The following VEPH1 variants were observed in gnomAD, a reference collection of about 807,000 sequenced individuals.
VEPH1 encodes the protein ventricular zone expressed PH domain containing 1.
Under a neutral mutation model 85.2 loss-of-function variants are expected in VEPH1, and 80 were observed. The observed-to-expected ratio is 0.94, with a 90% CI of 0.78 to 1.13. VEPH1 has a LOEUF of 1.13. Among genes scored for constraint, VEPH1 ranks in the 50% most tolerant of loss-of-function variants. The pLI is 0.00. For synonymous variants in VEPH1, 297 were observed against 348.0 expected (o/e 0.85, Z 1.63); for missense variants, 955 against 980.5 (o/e 0.97, Z 0.35).
intron 3 of VEPH1, among the ~76,000 whole-genome samples, chr3:157,464,580 G>A (rs866727958): frequency 2.6e-5 from 4 of 152,278 alleles, no homozygotes; most frequent in East Asian, 1.9e-4. Flanking sequence ...AGACTTTCTC[G>A]TGGGGACAAT....
Position 157,380,388 on chromosome 3 carries a change from C to T in VEPH1, c.1127+768G>A, listed in dbSNP as rs571344999. On this transcript the variant is annotated intron_variant, in intron 7 of 13. Transcript: ENST00000362010. ...ACTGCTTAGAGGGTAAAACTGAACT[C>T]CTTAGTCCACTCTGTTGAGCCTATC... 1.6e-4 allele frequency among the ~76,000 whole-genome samples: 25 copies of T among 152,346 alleles called. No individual in the cohort carries two copies. The South Asian group carries it at 5.0e-3, about 30-fold the overall frequency.
chr3:157,398,515 T>G (rs1037323243), intron 6 of VEPH1, among the ~76,000 whole-genome samples: 2 of 152,000 alleles, frequency 1.3e-5, no homozygotes, highest in Non-Finnish European at 2.9e-5. Context: ...GCAACTGTAG[T>G]CTCAGCTACT....
chr3:157,497,054 T>C lies in VEPH1; in HGVS notation c.-157-1548A>G, dbSNP rs543502110. On this transcript the variant is annotated intron_variant, in intron 1 of 13. Transcript: ENST00000362010. ...GGTAGTTAAATAACTGCTAAAGCCA[T>C]GCAGCTACAAAACTGGAGAGCTGGA... Among the ~76,000 whole-genome samples the C allele has an allele frequency of 4.6e-5, 7 of 152,260 alleles. No homozygotes were observed. In the South Asian group the frequency reaches 1.2e-3, roughly 27 times the overall value.
intron 9 of VEPH1, among the ~76,000 whole-genome samples, chr3:157,346,181 T>C (rs559216017): frequency 2.6e-5 from 4 of 151,880 alleles, no homozygotes; most frequent in Non-Finnish European, 5.9e-5. Context: ...TAAAAAAAAG[T>C]CAGTAAGGTC....
intron 9 of VEPH1, among the ~76,000 whole-genome samples, chr3:157,360,537 TTATG>T (rs1399396118): frequency 2.0e-5 from 3 of 152,154 alleles, no homozygotes; most frequent in African/African-American, 7.2e-5. Flanking sequence ...GCTTTTTGAC[TTATG>T]ATGGGGTTAT....
chr3:157,372,290 G>A (rs1297263788), intron 7 of VEPH1, among the ~76,000 whole-genome samples: 3 of 152,296 alleles, frequency 2.0e-5, no homozygotes, highest in Middle Eastern at 3.4e-3. Flanking sequence ...ACCCAGAAAT[G>A]GAGGATATAC....
At chr3:157,396,089 C>G (rs1730354164) in intron 6 of VEPH1, among the ~76,000 whole-genome samples, 1 of 152,154 alleles carries the variant, frequency 6.6e-6, no homozygotes, top group African/African-American at 2.4e-5. Flanking sequence ...CTCTCTTGCC[C>G]CATCCCCGCT....
At chr3:157,384,040 A>G (rs1392938355) in intron 6 of VEPH1, among the ~76,000 whole-genome samples, 1 of 152,236 alleles carries the variant, frequency 6.6e-6, no homozygotes, top group Non-Finnish European at 1.5e-5. Flanking sequence ...ACCCCCTTCT[A>G]GAAGTCAGGA....
intron 4 of VEPH1, chr3:157,443,391 T>A (rs1734291505): frequency 1.6e-5 from 2 of 122,368 alleles, no homozygotes; most frequent in Admixed American, 1.7e-4. Flanking sequence ...TATTGGTATG[T>A]ACCTTATTAC....
intron 1 of VEPH1, 84 bp from the exon 2 acceptor site, chr3:157,495,590 G>T: frequency 1.2e-6 from 1 of 861,230 alleles, no homozygotes; most frequent in Non-Finnish European, 1.5e-6. Context: ...AGCGGAGAGA[G>T]AGAGAAAAAA....
chr3:157,453,872 A>G (rs1462647856), intron 4 of VEPH1, among the ~76,000 whole-genome samples: 2 of 152,234 alleles, frequency 1.3e-5, no homozygotes, highest in African/African-American at 2.4e-5. Context: ...TTTACAGGTC[A>G]AATTACCATT....
intron 3 of VEPH1, among the ~76,000 whole-genome samples, chr3:157,467,398 AT>A (rs1266380945): frequency 6.6e-6 from 1 of 151,604 alleles, no homozygotes; most frequent in East Asian, 1.9e-4. Context: ...CTATTGTTTC[AT>A]TTTACTGAAA....
At chr3:157,431,461 C>T (rs1733143747) in intron 4 of VEPH1, among the ~76,000 whole-genome samples, 1 of 152,186 alleles carries the variant, frequency 6.6e-6, no homozygotes, top group Admixed American at 6.5e-5. Context: ...CATCTCTCCC[C>T]TTGATTCTCT....
chr3:157,363,542 C>A lies in VEPH1; in HGVS notation c.1557G>T (p.Glu519Asp). Residue 519 changes from glutamate to aspartate, a missense_variant, in exon 9 of 14, where the codon GAG becomes GAT. Coordinates refer to ENST00000362010, the MANE Select transcript of VEPH1 (RefSeq NM_001167912.2). Reference protein sequence around the residue: ...SYPNIIHIDSENLSETVKENS... With the variant: ...SYPNIIHIDSDNLSETVKENS... ...TTTCTTTAACAGTTTCTGACAAATT[C>A]TCTGAGTCTATATGTATAATATTTG... 1.2e-6 allele frequency: 2 copies of A among 1,614,030 alleles called. No individual in the cohort carries two copies. The highest frequency in any genetic ancestry group is 1.7e-6 in the Non-Finnish European group (2 of 1,179,988).
chr3:157,282,411 T>C (rs1716248382), intron 12 of VEPH1, among the ~76,000 whole-genome samples: 1 of 152,224 alleles, frequency 6.6e-6, no homozygotes, highest in Non-Finnish European at 1.5e-5. Context: ...GAAATCAAGT[T>C]CTAAAGATGA....
chr3:157,318,255 T>G (rs571509877), intron 9 of VEPH1, among the ~76,000 whole-genome samples: 2 of 152,318 alleles, frequency 1.3e-5, no homozygotes, highest in South Asian at 4.1e-4. Context: ...GTCATACTGA[T>G]AGTTAATGGG....
chr3:157,310,781 A>G (rs1276949680), intron 11 of VEPH1, among the ~76,000 whole-genome samples: 1 of 151,980 alleles, frequency 6.6e-6, no homozygotes, highest in Non-Finnish European at 1.5e-5. Flanking sequence ...TGCAGAGAAT[A>G]GTACACTGGC....
chr3:157,399,819 G>A (rs1392676880), intron 6 of VEPH1, among the ~76,000 whole-genome samples: 1 of 151,226 alleles, frequency 6.6e-6, no homozygotes, highest in East Asian at 1.9e-4. Flanking sequence ...TTTTTTTTGT[G>A]GAACAAAGCA....
In VEPH1 at chr3:157,495,783, C is replaced by T. The variant is rs188460618; in HGVS notation, c.-157-277G>A. On this transcript the variant is annotated intron_variant, in intron 1 of 13. Transcript: ENST00000362010. ...TCTCCTTTCTACATCCTTCTCTTCT[C>T]TCCATGTCACAAGGAAAAACAACAA... is the stretch of plus-strand genomic sequence containing the variant. Among the ~76,000 whole-genome samples, 205 of 152,340 alleles carry T rather than the reference C, an allele frequency of 1.3e-3. 1 individual carries two copies. The highest frequency in any genetic ancestry group is 4.6e-3 in the African/African-American group (191 of 41,582).
Sources: allele counts gnomAD v4.1 joint callset (sites outside exome capture counted in the v4.1 genomes callset), GRCh38; gene constraint gnomAD v4.1.1; transcripts MANE v1.5; gene names NCBI Gene and HGNC (gene_info 2026-07-23, HGNC 2026-07-21).